The following GLG1 variants were observed in gnomAD, a reference collection of about 807,000 sequenced individuals.
GLG1 encodes the protein Golgi apparatus protein 1.
Under a neutral mutation model 160.5 loss-of-function variants are expected in GLG1, and 38 were observed. The observed-to-expected ratio is 0.24, with a 90% CI of 0.18 to 0.31. The LOEUF is 0.31. Ranked by LOEUF, GLG1 falls within the 10% of genes least tolerant of loss-of-function variation. The probability of loss-of-function intolerance (pLI) is 1.00; values close to 1 mark genes in which losing one functional copy is unlikely to be tolerated. For missense variants in GLG1, 1,373 were observed against 1,505.2 expected (o/e 0.91, Z 1.45); for synonymous variants, 644 against 543.4 (o/e 1.19, Z -2.57).
In GLG1 at chr16:74,463,326, G is replaced by A. The variant is rs371517198; in HGVS notation, c.2791+30C>T. The A allele has an allele frequency of 1.8e-5, 29 of 1,609,648 alleles. No homozygotes were observed. The South Asian group carries it at 1.9e-4, about 10-fold the overall frequency. ...CTGAATTCCTTTTCAGATACTCCAC[G>A]GGGCCAGGAGAGCCAAGCCAAGATC... On this transcript the variant is annotated intron_variant, in intron 20 of 25. Transcript: ENST00000422840.
At chr16:74,557,849 T>C (rs2018395419) in intron 1 of GLG1, among the ~76,000 whole-genome samples, 1 of 151,722 alleles carries the variant, frequency 6.6e-6, no homozygotes. Flanking sequence ...GCTCCCAAAG[T>C]GCTGGGATTA....
chr16:74,476,306 C>CA (rs2015388952), intron 12 of GLG1, among the ~76,000 whole-genome samples: 1 of 152,146 alleles, frequency 6.6e-6, no homozygotes, highest in African/African-American at 2.4e-5. Context: ...TCCAAATCAC[C>CA]ATATCCCTTG....
At chr16:74,485,552 A>C (rs1240896955) in intron 9 of GLG1, among the ~76,000 whole-genome samples, 1 of 152,190 alleles carries the variant, frequency 6.6e-6, no homozygotes, top group Non-Finnish European at 1.5e-5. Flanking sequence ...AGGTCCATAT[A>C]TGCTCAGTCA....
intron 1 of GLG1, among the ~76,000 whole-genome samples, chr16:74,581,292 A>G (rs8055803): frequency 0.71 from 107,887 of 152,004 alleles, 38,932 homozygotes; most frequent in African/African-American, 0.83. Flanking sequence ...GTATACGTAT[A>G]ATGGAATGTT....
chr16:74,580,391 C>G (rs1216249939), intron 1 of GLG1, among the ~76,000 whole-genome samples: 1 of 152,014 alleles, frequency 6.6e-6, no homozygotes, highest in African/African-American at 2.4e-5. Context: ...CCCTGCTACT[C>G]AGGAGACCAA....
intron 8 of GLG1, among the ~76,000 whole-genome samples, chr16:74,489,057 G>A (rs1671680380): frequency 6.6e-6 from 1 of 152,188 alleles, no homozygotes; most frequent in African/African-American, 2.4e-5. Context: ...TGAGTCACTA[G>A]TTCTTTCAAC....
chr16:74,482,438 C>A (rs527377354), intron 10 of GLG1, among the ~76,000 whole-genome samples: 1 of 152,060 alleles, frequency 6.6e-6, no homozygotes, highest in Non-Finnish European at 1.5e-5. Context: ...AAGCAAGATG[C>A]GGAAAGAGGA....
intron 1 of GLG1, among the ~76,000 whole-genome samples, chr16:74,553,177 G>A (rs539740912): frequency 2.7e-5 from 4 of 149,928 alleles, no homozygotes; most frequent in South Asian, 4.2e-4. Flanking sequence ...CTGAGATCAC[G>A]CCACTGCACT....
intron 1 of GLG1, among the ~76,000 whole-genome samples, chr16:74,599,130 G>A (rs777979756): frequency 3.9e-5 from 6 of 152,172 alleles, no homozygotes; most frequent in South Asian, 2.1e-4. Flanking sequence ...TGCCATAAAC[G>A]ACAATGCTAC....
In GLG1 at chr16:74,534,827, T is replaced by C. The variant is rs535182066; in HGVS notation, c.439-2674A>G. Among the ~76,000 whole-genome samples, 8 of 152,348 alleles carry C rather than the reference T, an allele frequency of 5.3e-5. No homozygotes were observed. In the South Asian group the frequency reaches 8.3e-4, roughly 16 times the overall value. Reference sequence around the variant, plus strand: ...CACTGCAGTCCACATTTGCAGTTAATTGAGTCTCCATGGATGATGTCATTC... The same window carrying C: ...CACTGCAGTCCACATTTGCAGTTAACTGAGTCTCCATGGATGATGTCATTC... On this transcript the variant is annotated intron_variant, in intron 1 of 25. Coordinates refer to ENST00000422840, the MANE Select transcript of GLG1 (RefSeq NM_001145667.2).
At chr16:74,572,808 G>A (rs762396755) in intron 1 of GLG1, among the ~76,000 whole-genome samples, 69 of 152,332 alleles carry the variant, frequency 4.5e-4, no homozygotes, top group Admixed American at 3.1e-3. Context: ...AGGGGGTGGT[G>A]CCTGTGGGAA....
chr16:74,529,809 G>GTTGT (rs201693911), intron 2 of GLG1, among the ~76,000 whole-genome samples: 6 of 104,102 alleles, frequency 5.8e-5, no homozygotes, highest in African/African-American at 1.8e-4. Flanking sequence ...CTCTTTGAGA[G>GTTGT]TTCTTTTTTT....
intron 20 of GLG1, 28 bp downstream of exon 20, chr16:74,463,328 G>C: frequency 1.2e-6 from 2 of 1,611,734 alleles, no homozygotes; most frequent in Non-Finnish European, 1.7e-6. Flanking sequence ...TACTCCACGG[G>C]GCCAGGAGAG....
chr16:74,462,789 T>C, intron 20 of GLG1, 159 bp from the exon 21 acceptor site: 1 of 676,914 alleles, frequency 1.5e-6, no homozygotes. Flanking sequence ...CACTACACTG[T>C]TTTTAATCAG....
chr16:74,547,641 T>C (rs1048921172), intron 1 of GLG1, among the ~76,000 whole-genome samples: 3 of 152,276 alleles, frequency 2.0e-5, no homozygotes, highest in Admixed American at 2.0e-4. Flanking sequence ...TGAATGAAAG[T>C]GCTTTGAATT....
At chr16:74,574,951 G>A (rs1322595218) in intron 1 of GLG1, among the ~76,000 whole-genome samples, 3 of 76,028 alleles carry the variant, frequency 3.9e-5, no homozygotes, top group African/African-American at 1.6e-4. Context: ...TCCATATAAA[G>A]AACAAGAAGC....
intron 1 of GLG1, among the ~76,000 whole-genome samples, chr16:74,561,631 T>C (rs74024506): frequency 1.6e-4 from 24 of 152,352 alleles, no homozygotes; most frequent in African/African-American, 5.8e-4. Flanking sequence ...ACTGTTAAGA[T>C]ATGCAACTTG....
rs141182024 is a variant in GLG1 at position 74,487,099 on chromosome 16, G to C, written c.1450-1182C>G. Among the ~76,000 whole-genome samples the C allele has an allele frequency of 8.0e-4, 121 of 152,064 alleles. 1 individual carries two copies. In the East Asian group the frequency reaches 0.018, roughly 22 times the overall value. Reference sequence around the variant, plus strand: ...CGGCTAACTTTTGTATTTTTAGTGGGGATGAGGTTTCGCCACGTTGGCCAG... The same window carrying C: ...CGGCTAACTTTTGTATTTTTAGTGGCGATGAGGTTTCGCCACGTTGGCCAG... On this transcript the variant is annotated intron_variant, in intron 8 of 25. Transcript: ENST00000422840.
chr16:74,466,579 G>A (rs1383756565), intron 18 of GLG1, among the ~76,000 whole-genome samples: 1 of 152,050 alleles, frequency 6.6e-6, no homozygotes, highest in Non-Finnish European at 1.5e-5. Context: ...TAAATAAAAT[G>A]AACCAAGGAG....
Sources: gnomAD v4.1 joint callset for allele counts (sites outside exome capture counted in the v4.1 genomes callset) on GRCh38, gnomAD v4.1.1 for gene constraint, MANE v1.5 for transcripts, NCBI Gene and HGNC (gene_info 2026-07-23, HGNC 2026-07-21) for gene names.